Variants in GIGYF1 observed in about 807,000 individuals in gnomAD.
GIGYF1 encodes the protein GRB10-interacting GYF protein 1.
GIGYF1 carries 84 observed loss-of-function variants against 147.1 expected under a neutral mutation model. That is an observed-to-expected ratio of 0.57 (90% CI 0.48 to 0.68). The LOEUF is 0.68. Among genes scored for constraint, GIGYF1 ranks in the 30% least tolerant of loss-of-function variants. The probability of loss-of-function intolerance (pLI) is 0.00; values close to 1 mark genes in which losing one functional copy is unlikely to be tolerated. For synonymous variants in GIGYF1, 752 were observed against 589.5 expected (o/e 1.28, Z -3.99); for missense variants, 1,485 against 1,393.7 (o/e 1.07, Z -1.04).
chr7:100,687,429 A>T, intron 7 of GIGYF1, 23 bp from the exon 8 acceptor site: 1 of 1,611,884 alleles, frequency 6.2e-7, no homozygotes, highest in South Asian at 1.1e-5. Flanking sequence ...CCAGACGCAC[A>T]ATGAAACCTG....
chr7:100,687,851 G>A lies in GIGYF1; in HGVS notation c.198C>T (p.Ala66=), dbSNP rs145328716. 6.3e-5 allele frequency: 101 copies of A among 1,612,996 alleles called. No homozygotes were observed. Among genetic ancestry groups the A allele is most frequent in the Middle Eastern group, 3.3e-4 (2 of 6,034 alleles). Residue 66 remains alanine, a synonymous_variant, in exon 6 of 27, where the codon GCC becomes GCT. Transcript: ENST00000678049. The part of the protein sequence containing the change: ...VPEELQDKEF[A]AVLQDEPLQP... ...GCAGTGGCTCGTCCTGCAGCACCGC[G>A]GCGAACTCCTTGTCCTGCAGCTCTT...
chr7:100,682,412 G>T lies in GIGYF1; in HGVS notation c.2671C>A (p.Leu891Met). ...KTEEEEKLLKLLQGIPRPQDG... is the reference protein window; with the variant it reads ...KTEEEEKLLKMLQGIPRPQDG... ...TGGGGCCTGGGAATGCCCTGCAGCA[G>T]CTTCAGCAGCTTCTCTTCTTCCTCC... The change falls in exon 24 of 27, where the codon CTG (leucine) becomes ATG (methionine). Residue 891 changes from leucine to methionine, a missense_variant. Transcript: ENST00000678049. 6.2e-7 allele frequency: 1 copy of T among 1,613,720 alleles called. No individual in the cohort carries two copies.
At chr7:100,687,200 G>A (rs1805439424) in intron 8 of GIGYF1, 98 bp downstream of exon 8, 1 of 1,450,924 alleles carries the variant, frequency 6.9e-7, no homozygotes, top group African/African-American at 1.4e-5. Context: ...TCTCGGACAG[G>A]GCTTATCTGG....
chr7:100,683,071 G>C lies in GIGYF1; in HGVS notation c.2353C>G (p.Leu785Val), dbSNP rs1410206699. 6.3e-7 allele frequency: 1 copy of C among 1,579,318 alleles called. No homozygotes were observed. Among genetic ancestry groups the C allele is most frequent in the Non-Finnish European group, 8.6e-7 (1 of 1,168,974 alleles). The change falls in exon 22 of 27, where the codon CTG becomes GTG. Residue 785 changes from leucine (L) to valine (V), a missense_variant. Physicochemically the swap from Leu to Val is conservative, Grantham distance 32 (BLOSUM62 1). Coordinates refer to ENST00000678049, the MANE Select transcript of GIGYF1 (RefSeq NM_001375765.1). ...LELQLEGERQ[L>V]HKQPPPREPA... is the part of the protein sequence containing the mutation. ...TCCCGAGGTGGGGGCTGTTTGTGCA[G>C]CTGCCGCTCGCCCTCCAGCTGCAAC...
At chr7:100,687,225 C>T (rs1444173166) in intron 8 of GIGYF1, 73 bp downstream of exon 8, 2 of 1,497,682 alleles carry the variant, frequency 1.3e-6, no homozygotes, top group Non-Finnish European at 1.9e-6. Context: ...CCTCTGTTAC[C>T]CTCTAGCGAC....
In GIGYF1 at chr7:100,687,938, G is replaced by A. The variant is rs1285143908; in HGVS notation, c.165+43C>T. 4 of 1,610,674 alleles carry A rather than the reference G, an allele frequency of 2.5e-6. No homozygotes were observed. The African/African-American group carries it at 4.0e-5, about 16-fold the overall frequency. ...CACATGCTGCCAGATCCCCTCCACA[G>A]GCAGAGGCCACCACCGCCAACCCCC... On this transcript the variant is annotated intron_variant, in intron 5 of 26. Coordinates refer to ENST00000678049, the MANE Select transcript of GIGYF1 (RefSeq NM_001375765.1).
chr7:100,682,158 C>T lies in GIGYF1; in HGVS notation c.2839G>A (p.Asp947Asn), dbSNP rs747122849. 5.0e-6 allele frequency: 8 copies of T among 1,613,862 alleles called. No individual in the cohort carries two copies. Among genetic ancestry groups the T allele is most frequent in the Non-Finnish European group, 6.8e-6 (8 of 1,179,966 alleles). The change falls in exon 25 of 27, where the codon GAC becomes AAC. Residue 947 changes from aspartate to asparagine, a missense_variant. Transcript: ENST00000678049. ...VHDYIRSCLG[D>N]TLEAKEFAKQ... is the part of the protein sequence containing the mutation. ...GCAAATTCTTTGGCTTCCAGCGTGTCCCCCAGGCAGGAACGGATATAATCG... is the reference window on the plus strand; with the variant it reads ...GCAAATTCTTTGGCTTCCAGCGTGTTCCCCAGGCAGGAACGGATATAATCG...
intron 1 of GIGYF1, among the ~76,000 whole-genome samples, chr7:100,691,411 C>T (rs1345333948): frequency 6.6e-6 from 1 of 152,160 alleles, no homozygotes; most frequent in Non-Finnish European, 1.5e-5. Context: ...GGGTCATTCT[C>T]CTCTCTGAAC....
In GIGYF1 at chr7:100,681,582, G is replaced by A. The variant is rs1562866493; in HGVS notation, c.*137C>T. On this transcript the variant is annotated 3_prime_UTR_variant, in exon 27 of 27. Transcript: ENST00000678049. ...TGGTGGGTGAGTTAAGGTGCATCGT[G>A]TGTTTGTAACAAGTGCTGGGGACCC... 4.8e-6 allele frequency: 3 copies of A among 626,368 alleles called. No individual in the cohort carries two copies. Among genetic ancestry groups the A allele is most frequent in the Non-Finnish European group, 7.7e-6 (3 of 389,994 alleles). The allele number at this position is 626,368 out of a possible 1,614,324, so 38.8% of individuals were successfully genotyped here.
At position 100,686,725 on chromosome 7, in the gene GIGYF1, C is replaced by G. The variant is rs1307138370; in HGVS notation, c.618G>C (p.Glu206Asp). Residue 206 changes from glutamate to aspartate, a missense_variant, in exon 10 of 27, where the codon GAG becomes GAC. By Grantham distance (45) the Glu-to-Asp change is conservative (BLOSUM62 2). Transcript: ENST00000678049. The part of the protein sequence containing the change: ...ENWRSLREEQ[E>D]EEEEGSWRLG... The stretch of plus-strand genomic sequence containing the variant: ...GCCTCCAGCTGCCCTCCTCCTCCTC[C>G]TCCTGTTCCTCCCGTAGGGAGCGCC... 1 of 1,613,740 alleles carries G rather than the reference C, an allele frequency of 6.2e-7. No individual in the cohort carries two copies. The highest frequency in any genetic ancestry group is 1.1e-5 in the South Asian group (1 of 91,092).
chr7:100,693,006 G>A (rs762889114), intron 1 of GIGYF1, among the ~76,000 whole-genome samples: 1 of 152,168 alleles, frequency 6.6e-6, no homozygotes. Context: ...AAAGGCGAGG[G>A]GTTGGCGGGG....
intron 10 of GIGYF1, 100 bp downstream of exon 10, chr7:100,686,549 G>A: frequency 6.6e-7 from 1 of 1,520,032 alleles, no homozygotes; most frequent in Non-Finnish European, 8.8e-7. Context: ...TCCCACACCA[G>A]CCAGCCTCTG....
chr7:100,686,392 G>C lies in GIGYF1; in HGVS notation c.736C>G (p.Arg246Gly). 6.2e-7 allele frequency: 1 copy of C among 1,604,060 alleles called. No homozygotes were observed. Among genetic ancestry groups the C allele is most frequent in the Non-Finnish European group, 8.5e-7 (1 of 1,175,416 alleles). ...RSAGWREHGE[R>G]RRKFEFDLRG... ...AAATCAAATTCAAACTTGCGCCGCC[G>C]TTCCCCATGTTCCCGCCAGCCAGCA... The change falls in exon 11 of 27, where the codon CGG becomes GGG. Residue 246 changes from arginine to glycine, a missense_variant. Physicochemically the swap from Arg to Gly is moderately radical, Grantham distance 125. Coordinates refer to ENST00000678049, the MANE Select transcript of GIGYF1 (RefSeq NM_001375765.1).
At chr7:100,682,039 G>C (rs751004350) in intron 25 of GIGYF1, 33 bp downstream of exon 25, 1 of 1,611,040 alleles carries the variant, frequency 6.2e-7, no homozygotes, top group Non-Finnish European at 8.5e-7. Flanking sequence ...CACCAGGCAA[G>C]CCCACCCCAG....
rs761185520 is a variant in GIGYF1 at position 100,682,359 on chromosome 7, C to T, written c.2724G>A (p.Gln908=). 1 of 1,613,450 alleles carries T rather than the reference C, an allele frequency of 6.2e-7. No individual in the cohort carries two copies. Among genetic ancestry groups the T allele is most frequent in the Non-Finnish European group, 8.5e-7 (1 of 1,179,942 alleles). The change falls in exon 24 of 27, where the codon CAG becomes CAA. Residue 908 remains glutamine, a synonymous_variant. Transcript: ENST00000678049. ...PQDGFTQWCE[Q]MLHTLSATGS... ...CCGTGGCGCTCAGCGTGTGCAGCAT[C>T]TGCTCGCACCACTGGGTGAAGCCGT...
chr7:100,687,388 C>G lies in GIGYF1; in HGVS notation c.392G>C (p.Ser131Thr). ...TRSRGRGRGD[S>T]CFYQRSIEEG... ...TTCGATGCTTCTTTGGTAAAAGCAG[C>G]TGTCACCACGGCCGCGGCCTAGAGA... is the stretch of plus-strand genomic sequence containing the variant. Residue 131 changes from serine to threonine, a missense_variant, in exon 8 of 27, where the codon AGC becomes ACC. Coordinates refer to ENST00000678049, the MANE Select transcript of GIGYF1 (RefSeq NM_001375765.1). The G allele has an allele frequency of 6.2e-7, 1 of 1,613,474 alleles. No individual in the cohort carries two copies. The highest frequency in any genetic ancestry group is 8.5e-7 in the Non-Finnish European group (1 of 1,179,988).
rs75750147 is a variant in GIGYF1 at position 100,691,860 on chromosome 7, G to A, written c.-1099+2250C>T. Among the ~76,000 whole-genome samples the A allele has an allele frequency of 2.3e-3, 355 of 152,372 alleles. 11 individuals are homozygous for A. In the East Asian group the frequency reaches 0.066, roughly 28 times the overall value. ...CGGAGACAAGGGGCGAGGACACGCT[G>A]GGCCCGGGTGCTCCAGTAGGCGCCA... On this transcript the variant is annotated intron_variant, in intron 1 of 26. Transcript: ENST00000678049.
intron 14 of GIGYF1, 48 bp from the exon 15 acceptor site, chr7:100,684,942 C>T: frequency 1.3e-6 from 2 of 1,596,058 alleles, no homozygotes; most frequent in South Asian, 2.2e-5. Flanking sequence ...ATCTCAGCAA[C>T]ATCAGGATGG....
intron 1 of GIGYF1, among the ~76,000 whole-genome samples, chr7:100,690,826 C>T (rs1354709211): frequency 1.3e-5 from 2 of 151,428 alleles, no homozygotes; most frequent in Admixed American, 1.3e-4. Flanking sequence ...CCTCACACTG[C>T]CCCCTGCCAG....
Sources: allele counts gnomAD v4.1 joint callset (sites outside exome capture counted in the v4.1 genomes callset), GRCh38; gene constraint gnomAD v4.1.1; transcripts MANE v1.5; gene names NCBI Gene and HGNC (gene_info 2026-07-23, HGNC 2026-07-21).